PEBP4: variants seen among roughly 807,000 people sequenced by gnomAD.
PEBP4 encodes the protein phosphatidylethanolamine binding protein 4.
PEBP4 carries 22 observed loss-of-function variants against 23.9 expected under a neutral mutation model. The observed-to-expected ratio is 0.92, with a 90% CI of 0.66 to 1.31. The LOEUF is 1.31. PEBP4 is among the 40% of genes most tolerant of loss of function. PEBP4 has a pLI of 0.00. For missense variants in PEBP4, 324 were observed against 281.7 expected, an observed-to-expected ratio of 1.15 and a Z score of -1.07; for synonymous variants, 112 against 99.3, an observed-to-expected ratio of 1.13 and a Z score of -0.76.
chr8:22,891,832 G>A (rs751620367), intron 3 of PEBP4, among the ~76,000 whole-genome samples: 2 of 152,226 alleles, frequency 1.3e-5, no homozygotes, highest in African/African-American at 4.8e-5. Flanking sequence ...CCAGCACTTC[G>A]GGAGGCCGAG....
chr8:22,882,988 C>T (rs1373468079), intron 3 of PEBP4, among the ~76,000 whole-genome samples: 3 of 152,206 alleles, frequency 2.0e-5, no homozygotes, highest in South Asian at 2.1e-4. Context: ...GCCTCCCAAC[C>T]GAGCCTGGGG....
At chr8:22,890,506 G>T (rs933218904) in intron 3 of PEBP4, among the ~76,000 whole-genome samples, 1 of 152,236 alleles carries the variant, frequency 6.6e-6, no homozygotes, top group African/African-American at 2.4e-5. Flanking sequence ...CATGGGGAAG[G>T]TATCATTAGC....
At chr8:22,880,054 C>G (rs1311448175) in intron 3 of PEBP4, among the ~76,000 whole-genome samples, 1 of 152,132 alleles carries the variant, frequency 6.6e-6, no homozygotes, top group Non-Finnish European at 1.5e-5. Flanking sequence ...AATTTGGCTT[C>G]AAGTGGGAAT....
At chr8:22,898,402 A>C (rs866689030) in intron 3 of PEBP4, among the ~76,000 whole-genome samples, 30,027 of 115,488 alleles carry the variant, frequency 0.26, 4,702 homozygotes, top group Middle Eastern at 0.36. Flanking sequence ...AAAAAAAAAA[A>C]AAAAAAAAAA....
At chr8:22,909,284 C>G (rs1005128234) in intron 3 of PEBP4, among the ~76,000 whole-genome samples, 5 of 152,088 alleles carry the variant, frequency 3.3e-5, no homozygotes, top group African/African-American at 1.2e-4. Flanking sequence ...TCTCCCTACC[C>G]CATCCTCTGC....
chr8:22,729,704 G>A (rs1325241350), intron 4 of PEBP4, among the ~76,000 whole-genome samples: 1 of 152,244 alleles, frequency 6.6e-6, no homozygotes. Context: ...GGGCACTGAT[G>A]GCAAATGGAC....
intron 4 of PEBP4, among the ~76,000 whole-genome samples, chr8:22,733,388 T>C (rs1804780844): frequency 1.3e-5 from 2 of 152,194 alleles, no homozygotes; most frequent in South Asian, 2.1e-4. Context: ...AGGTCTTTCA[T>C]AGACTTGAGG....
intron 3 of PEBP4, among the ~76,000 whole-genome samples, chr8:22,876,595 C>G (rs977328880): frequency 6.6e-6 from 1 of 152,236 alleles, no homozygotes; most frequent in Non-Finnish European, 1.5e-5. Flanking sequence ...TGTTCTGTCT[C>G]TACCTCAACT....
At chr8:22,913,609 T>A (rs1808996115) in intron 3 of PEBP4, among the ~76,000 whole-genome samples, 1 of 151,988 alleles carries the variant, frequency 6.6e-6, no homozygotes, top group African/African-American at 2.4e-5. Context: ...CTCAGAAGCA[T>A]CTCCGGCACC....
At chr8:22,759,102 C>T (rs1403921228) in intron 4 of PEBP4, among the ~76,000 whole-genome samples, 1 of 152,052 alleles carries the variant, frequency 6.6e-6, no homozygotes, top group African/African-American at 2.4e-5. Flanking sequence ...TCCCAGGTGG[C>T]TAGAGTGGCC....
rs1242262691 is a variant in PEBP4, at chr8:22,903,001, A to G, written c.258+17183T>C. 3.3e-5 allele frequency among the ~76,000 whole-genome samples: 5 copies of G among 152,270 alleles called. No individual in the cohort carries two copies. In the South Asian group the frequency reaches 1.0e-3, roughly 32 times the overall value. On this transcript the variant is annotated intron_variant, in intron 3 of 6. Coordinates refer to ENST00000256404, the MANE Select transcript of PEBP4 (RefSeq NM_144962.3). ...TTTCTCATTACACCGTAGGGACCTC[A>G]TAAATAGGAGGGCCTTGTAATAGCC...
chr8:22,761,926 T>G (rs553797865), intron 4 of PEBP4, among the ~76,000 whole-genome samples: 1 of 152,322 alleles, frequency 6.6e-6, no homozygotes, highest in South Asian at 2.1e-4. Context: ...GCTGGATGCA[T>G]TATATTTTCT....
intron 3 of PEBP4, among the ~76,000 whole-genome samples, chr8:22,822,047 C>T (rs1294625383): frequency 6.7e-6 from 1 of 150,344 alleles, no homozygotes; most frequent in Non-Finnish European, 1.5e-5. Context: ...GAGTTACTGT[C>T]ATAGATGCCA....
intron 3 of PEBP4, among the ~76,000 whole-genome samples, chr8:22,863,723 C>T (rs1292739145): frequency 1.3e-5 from 2 of 152,146 alleles, no homozygotes; most frequent in African/African-American, 2.4e-5. Flanking sequence ...TGGGTCTCTG[C>T]CCTCCAGGAG....
chr8:22,773,621 C>A (rs893473439), intron 4 of PEBP4, among the ~76,000 whole-genome samples: 2 of 152,192 alleles, frequency 1.3e-5, no homozygotes, highest in Non-Finnish European at 2.9e-5. Context: ...CATCCGCAGG[C>A]CTTCCTGGCC....
chr8:22,904,182 C>T (rs1479190823), intron 3 of PEBP4, among the ~76,000 whole-genome samples: 3 of 152,154 alleles, frequency 2.0e-5, no homozygotes, highest in East Asian at 1.9e-4. Flanking sequence ...TTCCCGGCTC[C>T]CTGGCTGATC....
upstream of PEBP4, among the ~76,000 whole-genome samples, chr8:22,931,561 T>C (rs183328724): frequency 7.1e-6 from 1 of 141,008 alleles, no homozygotes; most frequent in East Asian, 2.0e-4. Context: ...CCCTAAAATA[T>C]TAAATTCAAG....
chr8:22,914,530 A>T (rs190765769), intron 3 of PEBP4, among the ~76,000 whole-genome samples: 127 of 152,264 alleles, frequency 8.3e-4, no homozygotes, highest in African/African-American at 2.9e-3. Flanking sequence ...GTCCCCTCAC[A>T]CGGGTAACCA....
At chr8:22,900,063 T>C (rs557747788) in intron 3 of PEBP4, among the ~76,000 whole-genome samples, 1 of 152,024 alleles carries the variant, frequency 6.6e-6, no homozygotes, top group African/African-American at 2.4e-5. Context: ...ATGCTTCAAC[T>C]TTCTTGTCTG....
Sources: gnomAD v4.1 joint callset for allele counts (sites outside exome capture counted in the v4.1 genomes callset) on GRCh38, gnomAD v4.1.1 for gene constraint, MANE v1.5 for transcripts, NCBI Gene and HGNC (gene_info 2026-07-23, HGNC 2026-07-21) for gene names.